MMP26: variants seen among roughly 807,000 people sequenced by gnomAD.
MMP26 encodes matrix metalloproteinase-26.
Under a neutral mutation model 31.0 loss-of-function variants are expected in MMP26, and 33 were observed. The ratio of observed to expected loss-of-function variants is 1.06; its 90% CI spans 0.81 to 1.42. MMP26 has a LOEUF of 1.42. MMP26 is among the 40% of genes most tolerant of loss of function. The probability of loss-of-function intolerance (pLI) is 0.00; values close to 1 mark genes in which losing one functional copy is unlikely to be tolerated. For missense variants in MMP26, 347 were observed against 316.1 expected (o/e 1.10, Z -0.74); for synonymous variants, 122 against 114.9 (o/e 1.06, Z -0.40).
intron 1 of MMP26, among the ~76,000 whole-genome samples, chr11:4,764,426 T>C (rs1041572835): frequency 3.9e-5 from 6 of 152,212 alleles, no homozygotes; most frequent in African/African-American, 9.6e-5. Flanking sequence ...AGAATAGAGA[T>C]GGGCCCAATA....
At chr11:4,915,046 A>G in intron 2 of MMP26, 3 of 1,614,106 alleles carry the variant, frequency 1.9e-6, no homozygotes, top group Non-Finnish European at 2.5e-6. Flanking sequence ...AGACGATGAC[A>G]AACATGCCGT....
chr11:4,724,204 C>T (rs1245213818), intron 1 of MMP26: 9 of 493,658 alleles, frequency 1.8e-5, no homozygotes, highest in Non-Finnish European at 3.3e-5. Flanking sequence ...AGGCGATGGG[C>T]CTGTGAACCA....
chr11:4,895,809 A>C (rs1218176834), intron 2 of MMP26, among the ~76,000 whole-genome samples: 1 of 152,214 alleles, frequency 6.6e-6, no homozygotes, highest in Admixed American at 6.5e-5. Flanking sequence ...GACTGACTAT[A>C]GTCCTAGCTA....
intron 2 of MMP26, among the ~76,000 whole-genome samples, chr11:4,891,483 T>C (rs370222958): frequency 1.7e-4 from 26 of 152,212 alleles, no homozygotes; most frequent in Admixed American, 5.2e-4. Context: ...ATCTCCAACA[T>C]TGGGAATTTT....
chr11:4,803,763 G>A, intron 2 of MMP26: 1 of 1,613,456 alleles, frequency 6.2e-7, no homozygotes, highest in Non-Finnish European at 8.5e-7. Context: ...CCACAGAGAA[G>A]GCCACAAAGA....
At chr11:4,713,734 A>G (rs938434955) in intron 1 of MMP26, among the ~76,000 whole-genome samples, 10 of 152,106 alleles carry the variant, frequency 6.6e-5, no homozygotes, top group African/African-American at 2.2e-4. Context: ...CCTAAATAAT[A>G]TAGGAGGAAG....
intron 2 of MMP26, among the ~76,000 whole-genome samples, chr11:4,818,943 A>C (rs2133468878): frequency 6.6e-6 from 1 of 152,334 alleles, no homozygotes; most frequent in South Asian, 2.1e-4. Context: ...GATAAAGACA[A>C]GCTGGAAGAA....
At chr11:4,769,413 A>T in intron 2 of MMP26, 3 of 1,613,984 alleles carry the variant, frequency 1.9e-6, no homozygotes, top group Non-Finnish European at 1.7e-6. Context: ...CTACAGAAAT[A>T]GAGAGGCTTA....
intron 1 of MMP26, among the ~76,000 whole-genome samples, chr11:4,762,361 AT>A (rs1285120066): frequency 1.3e-5 from 2 of 152,178 alleles, no homozygotes; most frequent in Non-Finnish European, 2.9e-5. Context: ...TACATTGAAC[AT>A]TTTATTTAAG....
chr11:4,861,278 C>T (rs1355648816), intron 2 of MMP26, among the ~76,000 whole-genome samples: 1 of 149,772 alleles, frequency 6.7e-6, no homozygotes, highest in Non-Finnish European at 1.5e-5. Context: ...CATATACATG[C>T]AGATACATAC....
intron 2 of MMP26, chr11:4,890,610 A>G (rs943145433): frequency 7.2e-5 from 11 of 152,176 alleles, no homozygotes; most frequent in African/African-American, 2.4e-4. Context: ...GAGTCCATTG[A>G]AAAGTATTCT....
intron 1 of MMP26, among the ~76,000 whole-genome samples, chr11:4,732,970 G>A (rs1848194350): frequency 6.6e-6 from 1 of 152,222 alleles, no homozygotes; most frequent in Non-Finnish European, 1.5e-5. Flanking sequence ...GGACACGTGA[G>A]TGTATATTTC....
At chr11:4,986,631 A>G (rs1228032711) in intron 2 of MMP26, among the ~76,000 whole-genome samples, 1 of 143,400 alleles carries the variant, frequency 7.0e-6, no homozygotes, top group African/African-American at 2.6e-5. Flanking sequence ...TCTGGGTTCA[A>G]GTGATTCTCC....
chr11:4,841,224 G>A (rs932452707), intron 2 of MMP26, among the ~76,000 whole-genome samples: 1 of 152,160 alleles, frequency 6.6e-6, no homozygotes, highest in Non-Finnish European at 1.5e-5. Flanking sequence ...AGAGGAGATG[G>A]AGAAAGAGAT....
intron 2 of MMP26, among the ~76,000 whole-genome samples, chr11:4,780,298 C>A (rs1357330798): frequency 6.6e-6 from 1 of 152,022 alleles, no homozygotes; most frequent in Non-Finnish European, 1.5e-5. Context: ...AACAACCCTC[C>A]CACAAGCAGT....
chr11:4,908,875 G>T (rs898212588), intron 2 of MMP26: 2 of 158,892 alleles, frequency 1.3e-5, no homozygotes, highest in Non-Finnish European at 2.8e-5. Context: ...TAAGAAGAGC[G>T]TGCCTGTAAA....
intron 2 of MMP26, among the ~76,000 whole-genome samples, chr11:4,854,820 G>A (rs1589920305): frequency 1.3e-5 from 2 of 152,328 alleles, no homozygotes; most frequent in Middle Eastern, 3.4e-3. Context: ...CCCAGTAGGG[G>A]CCAACTGACA....
intron 2 of MMP26, among the ~76,000 whole-genome samples, chr11:4,976,860 G>A (rs180751085): frequency 2.6e-5 from 4 of 152,076 alleles, no homozygotes; most frequent in Admixed American, 2.6e-4. Context: ...GCAGTTATAG[G>A]TTCTTCTGGA....
intron 1 of MMP26, among the ~76,000 whole-genome samples, chr11:4,745,715 CAGAAT>C (rs1215921415): frequency 6.6e-6 from 1 of 152,134 alleles, no homozygotes; most frequent in Non-Finnish European, 1.5e-5. Flanking sequence ...TAGTGTCATG[CAGAAT>C]AGTTCCATTG....
Sources: gnomAD v4.1 joint callset for allele counts (sites outside exome capture counted in the v4.1 genomes callset) on GRCh38, gnomAD v4.1.1 for gene constraint, MANE v1.5 for transcripts, NCBI Gene and HGNC (gene_info 2026-07-23, HGNC 2026-07-21) for gene names.